The following MAN1A1 variants were observed in gnomAD, a reference collection of about 807,000 sequenced individuals.
MAN1A1 encodes the protein mannosyl-oligosaccharide 1,2-alpha-mannosidase IA.
MAN1A1 carries 29 observed loss-of-function variants against 70.8 expected under a neutral mutation model. The observed-to-expected ratio is 0.41, with a 90% CI of 0.31 to 0.56. The LOEUF (loss-of-function observed/expected upper bound fraction) is 0.56, where lower values mean the gene tolerates loss of function less well. Ranked by LOEUF, MAN1A1 falls within the 20% of genes least tolerant of loss-of-function variation. MAN1A1 has a pLI of 0.29. For missense variants in MAN1A1, 747 were observed against 841.3 expected, an observed-to-expected ratio of 0.89 and a Z score of 1.39; for synonymous variants, 349 against 330.1, an observed-to-expected ratio of 1.06 and a Z score of -0.62.
rs571670782 is a variant in MAN1A1 at position 119,207,123 on chromosome 6, A to G, written c.993-2241T>C. ...GAGAAAAATCCAGAGATATACTGGA[A>G]AAGCATTCAATACGTTTAGAAACAT... On this transcript the variant is annotated intron_variant, in intron 6 of 12. Transcript: ENST00000368468. 3.8e-4 allele frequency among the ~76,000 whole-genome samples: 58 copies of G among 152,220 alleles called. 1 individual carries two copies. The highest frequency in any genetic ancestry group is 7.1e-4 in the Non-Finnish European group (48 of 68,044).
Position 119,188,446 on chromosome 6 carries a change from G to C in MAN1A1, c.1678C>G (p.His560Asp). ...GCCCATTTCCTGTACTTTGGATCATGAGTCAGTCTCCACATATACATGTAA... is the reference window on the plus strand; with the variant it reads ...GCCCATTTCCTGTACTTTGGATCATCAGTCAGTCTCCACATATACATGTAA... ...ETYMYMWRLT[H>D]DPKYRKWAWE... The change falls in exon 11 of 13, where the codon CAT becomes GAT. Residue 560 changes from histidine (H) to aspartate (D), a missense_variant. Transcript: ENST00000368468. The C allele has an allele frequency of 1.2e-6, 2 of 1,613,202 alleles. No individual in the cohort carries two copies. The highest frequency in any genetic ancestry group is 1.7e-6 in the Non-Finnish European group (2 of 1,179,650).
chr6:119,232,372 C>CAA (rs71015028), intron 6 of MAN1A1, among the ~76,000 whole-genome samples: 28,124 of 87,814 alleles, frequency 0.32, 4,368 homozygotes, highest in East Asian at 0.55. Context: ...GACTCTGTCT[C>CAA]AAAAAAAAAA....
chr6:119,291,926 GAATT>G (rs1772043417), intron 4 of MAN1A1, among the ~76,000 whole-genome samples: 1 of 151,928 alleles, frequency 6.6e-6, no homozygotes, highest in Admixed American at 6.6e-5. Flanking sequence ...ATGACCTTAT[GAATT>G]AATTACTATT....
intron 2 of MAN1A1, among the ~76,000 whole-genome samples, chr6:119,330,995 C>T (rs1773295188): frequency 6.6e-6 from 1 of 152,122 alleles, no homozygotes; most frequent in Admixed American, 6.5e-5. Flanking sequence ...TGTTTACTGT[C>T]ATCTCTCCAG....
At chr6:119,181,450 TG>T (rs1325440736) in intron 11 of MAN1A1, among the ~76,000 whole-genome samples, 1 of 48,382 alleles carries the variant, frequency 2.1e-5, no homozygotes, top group Non-Finnish European at 5.1e-5. Context: ...CTAAAATACA[TG>T]TTTTTTTTTT....
At position 119,248,292 on chromosome 6, in the gene MAN1A1, A is replaced by T; in HGVS notation, c.960T>A (p.Ser320=). ...TATTCAGCAATGCCCAAGGTATTCC[A>T]GAGGGAGTATGAAATGCAGGTAGCA... ...VKLLPAFHTP[S]GIPWALLNMK... is the part of the protein sequence containing the mutation. Residue 320 remains serine, a synonymous_variant, in exon 6 of 13, where the codon TCT becomes TCA. Coordinates refer to ENST00000368468, the MANE Select transcript of MAN1A1 (RefSeq NM_005907.4). 6.2e-7 allele frequency: 1 copy of T among 1,613,182 alleles called. No individual in the cohort carries two copies. The highest frequency in any genetic ancestry group is 8.5e-7 in the Non-Finnish European group (1 of 1,179,170).
At position 119,196,548 on chromosome 6, in the gene MAN1A1, T is replaced by G. The variant is rs139046761; in HGVS notation, c.1211-2656A>C. Among the ~76,000 whole-genome samples, 958 of 152,238 alleles carry G rather than the reference T, an allele frequency of 6.3e-3. 10 individuals carry two copies. The highest frequency in any genetic ancestry group is 0.022 in the African/African-American group (907 of 41,528). ...ATAATATGGTATTTTTATGTCCAAC[T>G]GCTCTAAAGGTGAGGTGTACTGTAG... On this transcript the variant is annotated intron_variant, in intron 8 of 12. Transcript: ENST00000368468.
At chr6:119,192,883 T>C (rs192074533) in intron 9 of MAN1A1, among the ~76,000 whole-genome samples, 55 of 152,298 alleles carry the variant, frequency 3.6e-4, no homozygotes, top group Non-Finnish European at 6.2e-4. Flanking sequence ...TCGGTTTTGA[T>C]TGAGGCTTAA....
chr6:119,231,312 C>T (rs1562202540), intron 6 of MAN1A1, among the ~76,000 whole-genome samples: 2 of 152,058 alleles, frequency 1.3e-5, no homozygotes, highest in African/African-American at 2.4e-5. Context: ...GATAGTGAGT[C>T]TCATGAGATC....
intron 4 of MAN1A1, among the ~76,000 whole-genome samples, chr6:119,295,694 C>T (rs1018217092): frequency 6.6e-6 from 1 of 152,048 alleles, no homozygotes; most frequent in African/African-American, 2.4e-5. Flanking sequence ...GACAATTCTC[C>T]GATCTCTACA....
intron 6 of MAN1A1, among the ~76,000 whole-genome samples, chr6:119,216,766 T>C (rs964371128): frequency 1.3e-5 from 2 of 152,192 alleles, no homozygotes; most frequent in Non-Finnish European, 2.9e-5. Flanking sequence ...CAAAAGATTA[T>C]GTAACAGAAA....
At chr6:119,286,000 A>G (rs1776363787) in intron 5 of MAN1A1, among the ~76,000 whole-genome samples, 1 of 152,210 alleles carries the variant, frequency 6.6e-6, no homozygotes, top group Non-Finnish European at 1.5e-5. Context: ...CAAAGCCCAG[A>G]TGATTTACAA....
intron 5 of MAN1A1, among the ~76,000 whole-genome samples, chr6:119,261,542 T>C (rs1199957904): frequency 6.6e-6 from 1 of 152,122 alleles, no homozygotes; most frequent in Non-Finnish European, 1.5e-5. Flanking sequence ...AAAAATGTGA[T>C]ACATAGGAAA....
intron 5 of MAN1A1, among the ~76,000 whole-genome samples, chr6:119,271,416 G>A (rs1378036887): frequency 6.6e-6 from 1 of 151,992 alleles, no homozygotes; most frequent in Non-Finnish European, 1.5e-5. Context: ...AGATTCTAAA[G>A]GTAATGTTCT....
intron 4 of MAN1A1, among the ~76,000 whole-genome samples, chr6:119,292,297 G>A (rs932324360): frequency 1.3e-5 from 2 of 151,964 alleles, no homozygotes; most frequent in Non-Finnish European, 2.9e-5. Flanking sequence ...CTGCACTTTT[G>A]CCTAACATCA....
At chr6:119,349,776 T>G (rs1350242753), upstream of MAN1A1, 4 of 983,992 alleles carry the variant, frequency 4.1e-6, no homozygotes, top group South Asian at 1.9e-4. Flanking sequence ...TCACTGCCGG[T>G]CTTGGGGCGG....
At chr6:119,300,948 G>GA (rs1197977913) in intron 4 of MAN1A1, among the ~76,000 whole-genome samples, 2 of 152,136 alleles carry the variant, frequency 1.3e-5, no homozygotes, top group South Asian at 2.1e-4. Flanking sequence ...ATAGATGGGG[G>GA]AAAGACTTAG....
chr6:119,350,309 G>T (rs536695001), upstream of MAN1A1, among the ~76,000 whole-genome samples: 52 of 152,318 alleles, frequency 3.4e-4, no homozygotes, highest in South Asian at 8.1e-3. Flanking sequence ...TTCCCCGGGT[G>T]CCTGGTAGCA....
At chr6:119,232,590 A>C (rs1774714933) in intron 6 of MAN1A1, among the ~76,000 whole-genome samples, 1 of 152,096 alleles carries the variant, frequency 6.6e-6, no homozygotes, top group Admixed American at 6.6e-5. Flanking sequence ...ACTATTTCAA[A>C]AGGAAATTCA....
Sources: gnomAD v4.1 joint callset for allele counts (sites outside exome capture counted in the v4.1 genomes callset) on GRCh38, gnomAD v4.1.1 for gene constraint, MANE v1.5 for transcripts, NCBI Gene and HGNC (gene_info 2026-07-23, HGNC 2026-07-21) for gene names.